The following SLC25A42 variants were observed in gnomAD, a reference collection of about 807,000 sequenced individuals.
SLC25A42 encodes the protein solute carrier family 25 member 42.
In SLC25A42, 19 loss-of-function variants were observed where a neutral mutation model predicts 34.7. That is an observed-to-expected ratio of 0.55 (90% CI 0.38 to 0.80). The LOEUF (loss-of-function observed/expected upper bound fraction) is 0.80. Ranked by LOEUF, SLC25A42 falls within the 30% of genes least tolerant of loss-of-function variation. The pLI is 0.00. For missense variants in SLC25A42, 364 were observed against 441.3 expected (o/e 0.82, Z 1.57); for synonymous variants, 205 against 191.2 (o/e 1.07, Z -0.59).
At chr19:19,102,862 G>C (rs775307210) in intron 3 of SLC25A42, among the ~76,000 whole-genome samples, 10 of 152,126 alleles carry the variant, frequency 6.6e-5, no homozygotes, top group Non-Finnish European at 1.2e-4. Flanking sequence ...CAAACAACAG[G>C]AATTTCTTCT....
intron 1 of SLC25A42, among the ~76,000 whole-genome samples, chr19:19,086,523 C>T (rs1269657891): frequency 6.6e-6 from 1 of 152,188 alleles, no homozygotes; most frequent in Admixed American, 6.5e-5. Context: ...CTCATTGTAG[C>T]ATCTGCCCAT....
At chr19:19,091,315 G>A (rs1405388237) in intron 1 of SLC25A42, among the ~76,000 whole-genome samples, 1 of 151,976 alleles carries the variant, frequency 6.6e-6, no homozygotes, top group Non-Finnish European at 1.5e-5. Flanking sequence ...AAACTTAGCC[G>A]GGCATGGTGG....
chr19:19,088,202 ATTTT>A (rs10706701), intron 1 of SLC25A42, among the ~76,000 whole-genome samples: 4 of 96,744 alleles, frequency 4.1e-5, no homozygotes, highest in Admixed American at 1.2e-4. Flanking sequence ...CTGATCTTCA[ATTTT>A]TTTTTTTTTT....
chr19:19,072,037 C>T (rs116844490), intron 1 of SLC25A42, among the ~76,000 whole-genome samples: 97 of 152,300 alleles, frequency 6.4e-4, no homozygotes, highest in Admixed American at 1.4e-3. Context: ...TGAGATTAGG[C>T]AAGTGGGATC....
At chr19:19,077,829 G>A (rs547876787) in intron 1 of SLC25A42, among the ~76,000 whole-genome samples, 10 of 152,354 alleles carry the variant, frequency 6.6e-5, no homozygotes, top group African/African-American at 1.9e-4. Context: ...GGAAGTTGCA[G>A]TGAGCTGAGA....
At chr19:19,088,099 G>A (rs74706328) in intron 1 of SLC25A42, among the ~76,000 whole-genome samples, 3,955 of 152,172 alleles carry the variant, frequency 0.026, 145 homozygotes, top group African/African-American at 0.078. Flanking sequence ...TTGTTGCCAT[G>A]TATGGATTGG....
At chr19:19,082,564 A>G (rs1039200602) in intron 1 of SLC25A42, among the ~76,000 whole-genome samples, 2 of 151,876 alleles carry the variant, frequency 1.3e-5, no homozygotes, top group African/African-American at 4.8e-5. Context: ...GGGTTTTGCC[A>G]TGTCGACCAG....
intron 3 of SLC25A42, among the ~76,000 whole-genome samples, chr19:19,103,054 G>C (rs890181972): frequency 5.3e-5 from 8 of 152,014 alleles, no homozygotes; most frequent in African/African-American, 1.4e-4. Context: ...TCTCCCCTGT[G>C]TGTCTGTTTT....
At chr19:19,106,465 T>G in intron 6 of SLC25A42, 80 bp downstream of exon 6, 2 of 1,195,006 alleles carry the variant, frequency 1.7e-6, no homozygotes, top group Non-Finnish European at 2.4e-6. Flanking sequence ...TCCCTCTCTC[T>G]ATCGGGCCCC....
intron 1 of SLC25A42, among the ~76,000 whole-genome samples, chr19:19,089,562 A>G (rs1461236591): frequency 1.3e-5 from 2 of 148,582 alleles, no homozygotes; most frequent in African/African-American, 2.5e-5. Flanking sequence ...AATAAATTAT[A>G]TATATAAAAA....
chr19:19,068,714 C>G (rs1184457422), intron 1 of SLC25A42, among the ~76,000 whole-genome samples: 2 of 150,466 alleles, frequency 1.3e-5, no homozygotes, highest in African/African-American at 4.9e-5. Context: ...GGTGCATGCC[C>G]ATAGTCCCAG....
At position 19,105,675 on chromosome 19, in the gene SLC25A42, G is replaced by T. The variant is rs916048583; in HGVS notation, c.328G>T (p.Ala110Ser). The T allele has an allele frequency of 2.5e-6, 4 of 1,612,774 alleles. No homozygotes were observed. The highest frequency in any genetic ancestry group is 2.2e-5 in the South Asian group (2 of 90,934). ...VVPYAAIQFS[A>S]HEEYKRILGS... Reference sequence around the variant, plus strand: ...GCCCTACGCCGCCATCCAGTTCAGCGCACACGAGGAGTACAAGCGCATCCT... The same window carrying T: ...GCCCTACGCCGCCATCCAGTTCAGCTCACACGAGGAGTACAAGCGCATCCT... Residue 110 changes from alanine (A) to serine (S), a missense_variant, in exon 5 of 8, where the codon GCA becomes TCA. By Grantham distance (99) the Ala-to-Ser change is moderately conservative (BLOSUM62 1). Coordinates refer to ENST00000318596, the MANE Select transcript of SLC25A42 (RefSeq NM_178526.5).
In SLC25A42 at chr19:19,081,907, A is replaced by G. The variant is rs537860254; in HGVS notation, c.-34-14184A>G. 6.6e-6 allele frequency among the ~76,000 whole-genome samples: 1 copy of G among 152,260 alleles called. No homozygotes were observed. Among genetic ancestry groups the G allele is most frequent in the South Asian group, 2.1e-4 (1 of 4,820 alleles). On this transcript the variant is annotated intron_variant, in intron 1 of 7. Transcript: ENST00000318596. The surrounding 1 kb of genome is among the most constrained non-coding windows in gnomAD (Gnocchi z 4.5). ...GGAATGTGGCTCTGCCATGCCTTGG[A>G]CACTGCCCCTCAGGGAGGCCGACCT...
intron 1 of SLC25A42, among the ~76,000 whole-genome samples, chr19:19,080,636 A>G (rs771406422): frequency 1.3e-5 from 2 of 151,890 alleles, no homozygotes; most frequent in African/African-American, 2.4e-5. Context: ...TTAAGAAATT[A>G]AGGCTGGGCA....
intron 1 of SLC25A42, among the ~76,000 whole-genome samples, chr19:19,075,973 C>G (rs2059653952): frequency 6.6e-6 from 1 of 152,160 alleles, no homozygotes; most frequent in Non-Finnish European, 1.5e-5. Context: ...TGTGAAGTCT[C>G]ATTACCTGAC....
chr19:19,089,728 G>A (rs1160349714), intron 1 of SLC25A42, among the ~76,000 whole-genome samples: 4 of 151,718 alleles, frequency 2.6e-5, no homozygotes, highest in African/African-American at 7.3e-5. Flanking sequence ...AATTAGCTGC[G>A]CATGGCAGCA....
At chr19:19,107,659 C>G (rs577332076) in intron 6 of SLC25A42, among the ~76,000 whole-genome samples, 2 of 152,212 alleles carry the variant, frequency 1.3e-5, no homozygotes, top group East Asian at 1.9e-4. Flanking sequence ...AAAAAAAAGA[C>G]AAGGGCTGAG....
At chr19:19,073,323 T>C (rs2145899179) in intron 1 of SLC25A42, among the ~76,000 whole-genome samples, 1 of 152,208 alleles carries the variant, frequency 6.6e-6, no homozygotes, top group Admixed American at 6.5e-5. Flanking sequence ...GGGAAGCAAG[T>C]GGAGAGTGGC....
At chr19:19,068,252 A>C (rs1599661558) in intron 1 of SLC25A42, among the ~76,000 whole-genome samples, 1 of 151,728 alleles carries the variant, frequency 6.6e-6, no homozygotes, top group African/African-American at 2.4e-5. Context: ...CTACTCAGGA[A>C]GCTGAGGCAG....
Sources: allele counts gnomAD v4.1 joint callset (sites outside exome capture counted in the v4.1 genomes callset), GRCh38; gene constraint gnomAD v4.1.1; non-coding constraint Gnocchi (gnomAD v3.1); transcripts MANE v1.5; gene names NCBI Gene and HGNC (gene_info 2026-07-23, HGNC 2026-07-21).